The following MYRFL variants were observed in gnomAD, a reference collection of about 807,000 sequenced individuals.
MYRFL encodes myelin regulatory factor-like protein.
In MYRFL, 88 loss-of-function variants were observed where a neutral mutation model predicts 109.4. That is an observed-to-expected ratio of 0.80 (90% CI 0.68 to 0.96). The LOEUF is 0.96. Among genes scored for constraint, MYRFL ranks in the 40% least tolerant of loss-of-function variants. The probability of loss-of-function intolerance (pLI) is 0.00; values close to 1 mark genes in which losing one functional copy is unlikely to be tolerated. For missense variants in MYRFL, 957 were observed against 954.9 expected (o/e 1.00, Z -0.03); for synonymous variants, 324 against 320.9 (o/e 1.01, Z -0.10).
chr12:69,870,115 T>A (rs1053002490), intron 2 of MYRFL, among the ~76,000 whole-genome samples: 2 of 142,544 alleles, frequency 1.4e-5, no homozygotes, highest in African/African-American at 5.2e-5. Context: ...TTTTTTTTTT[T>A]TTTTTTTTTT....
intron 15 of MYRFL, among the ~76,000 whole-genome samples, chr12:69,929,896 G>A (rs550180399): frequency 1.3e-5 from 2 of 152,210 alleles, no homozygotes; most frequent in Non-Finnish European, 2.9e-5. Context: ...TAAATTGATA[G>A]ATGTAAAGCA....
intron 13 of MYRFL, among the ~76,000 whole-genome samples, chr12:69,912,300 T>C (rs1266351363): frequency 6.6e-6 from 1 of 152,256 alleles, no homozygotes; most frequent in African/African-American, 2.4e-5. Context: ...TTTTTTATTG[T>C]GGTAAAATAC....
chr12:69,911,735 T>C (rs777624312), intron 13 of MYRFL, among the ~76,000 whole-genome samples: 8 of 152,218 alleles, frequency 5.3e-5, no homozygotes, highest in Non-Finnish European at 2.9e-5. Flanking sequence ...CTGATTTGTT[T>C]TATACTGCAT....
chr12:69,901,894 T>TTTTTA (rs1954201854), intron 10 of MYRFL, among the ~76,000 whole-genome samples: 1 of 148,860 alleles, frequency 6.7e-6, no homozygotes, highest in African/African-American at 2.5e-5. Context: ...TTTTTTTTTG[T>TTTTTA]TTTTTTTAAA....
At chr12:69,868,913 C>T (rs923434240) in intron 2 of MYRFL, among the ~76,000 whole-genome samples, 2 of 152,022 alleles carry the variant, frequency 1.3e-5, no homozygotes, top group African/African-American at 4.8e-5. Context: ...CACGCGCACA[C>T]ACACATGTAC....
At chr12:69,898,778 T>A (rs1009040775) in intron 10 of MYRFL, among the ~76,000 whole-genome samples, 1 of 152,204 alleles carries the variant, frequency 6.6e-6, no homozygotes, top group African/African-American at 2.4e-5. Context: ...ATTTACCTAG[T>A]GACAAGGTTT....
chr12:69,915,737 A>C (rs1039467764), intron 13 of MYRFL, among the ~76,000 whole-genome samples: 2 of 152,082 alleles, frequency 1.3e-5, no homozygotes, highest in Non-Finnish European at 2.9e-5. Context: ...ACTGAAAGCA[A>C]GGGGACCTGT....
intron 10 of MYRFL, among the ~76,000 whole-genome samples, chr12:69,903,273 T>C (rs1773467616): frequency 6.6e-6 from 1 of 152,248 alleles, no homozygotes; most frequent in Non-Finnish European, 1.5e-5. Flanking sequence ...TTTTCTGATA[T>C]AATGTTCTGA....
At chr12:69,932,883 T>TGTG (rs1555257501) in intron 16 of MYRFL, among the ~76,000 whole-genome samples, 3 of 52,698 alleles carry the variant, frequency 5.7e-5, no homozygotes, top group African/African-American at 1.5e-4. Context: ...GTGTGTGTGT[T>TGTG]TGTGTGTGTG....
chr12:69,940,210 A>T (rs1424032198), intron 19 of MYRFL, among the ~76,000 whole-genome samples: 1 of 152,020 alleles, frequency 6.6e-6, no homozygotes, highest in Non-Finnish European at 1.5e-5. Flanking sequence ...AACACCACAA[A>T]GATACTCCTC....
At chr12:69,874,068 T>C (rs11831141) in intron 2 of MYRFL, among the ~76,000 whole-genome samples, 9,280 of 152,304 alleles carry the variant, frequency 0.061, 711 homozygotes, top group African/African-American at 0.18. Context: ...GATCTCCAAC[T>C]CCCATCCCCT....
At position 69,927,677 on chromosome 12, in the gene MYRFL, T is replaced by G. The variant is rs1407138785; in HGVS notation, c.1767-8T>G. The G allele has an allele frequency of 3.3e-6, 5 of 1,531,444 alleles. No homozygotes were observed. The highest frequency in any genetic ancestry group is 4.4e-6 in the Non-Finnish European group (5 of 1,145,908). 94.9% of individuals were successfully genotyped at this position (1,531,444 alleles called of 1,614,324 possible). A position where few individuals can be genotyped will look rare whatever the true frequency, so the allele number is the denominator to read the frequency against. On this transcript the variant is annotated splice_region_variant and splice_polypyrimidine_tract_variant and intron_variant, in intron 14 of 24. Transcript: ENST00000552032. ...TGAATAGTAACCAATTTTCTCTCTC[T>G]TTTAAAGCAAATCTAGCAGAGCCGT...
intron 1 of MYRFL, among the ~76,000 whole-genome samples, chr12:69,826,332 G>A (rs529647065): frequency 1.5e-4 from 23 of 152,010 alleles, no homozygotes; most frequent in Non-Finnish European, 2.4e-4. Context: ...GGCCAAGTTG[G>A]TATTGTCTAC....
At position 69,957,895 on chromosome 12, in the gene MYRFL, AC is replaced by A. The variant is rs1956130027; in HGVS notation, c.2526del (p.Leu845TrpfsTer11). 3 of 1,535,268 alleles carry A rather than the reference AC, an allele frequency of 2.0e-6. No individual in the cohort carries two copies. In the African/African-American group the frequency reaches 4.1e-5, roughly 21 times the overall value. ...TATATGTTTCCATAGTAAAAGGGGAACCAAAGGGCTGGAAAGCCACAGAGAA... is the reference window on the plus strand; with the variant it reads ...TATATGTTTCCATAGTAAAAGGGGAACAAAGGGCTGGAAAGCCACAGAGAA... The part of the protein sequence containing the change: ...GNICFHSKRG[T>X]KGLESHREIS... On this transcript the variant is annotated frameshift_variant, in exon 23 of 25. Transcript: ENST00000552032. LOFTEE classifies it high-confidence loss of function.
intron 1 of MYRFL, among the ~76,000 whole-genome samples, chr12:69,840,760 G>A (rs1172024109): frequency 6.6e-6 from 1 of 152,154 alleles, no homozygotes. Context: ...GACACATGCA[G>A]GTTTCTGGAT....
intron 6 of MYRFL, among the ~76,000 whole-genome samples, chr12:69,887,719 A>G (rs556848371): frequency 7.9e-5 from 12 of 152,340 alleles, no homozygotes; most frequent in Non-Finnish European, 1.6e-4. Flanking sequence ...GCTTATCACT[A>G]GGACTTTCAT....
chr12:69,902,867 A>C (rs1421031873), intron 10 of MYRFL, among the ~76,000 whole-genome samples: 1 of 152,238 alleles, frequency 6.6e-6, no homozygotes, highest in Non-Finnish European at 1.5e-5. Flanking sequence ...TTTTCTTTGA[A>C]GATTGCCAGG....
chr12:69,903,664 T>G lies in MYRFL; in HGVS notation c.1203T>G (p.Phe401Leu). 1 of 1,535,876 alleles carries G rather than the reference T, an allele frequency of 6.5e-7. No individual in the cohort carries two copies. Among genetic ancestry groups the G allele is most frequent in the South Asian group, 1.2e-5 (1 of 84,048 alleles). Residue 401 changes from phenylalanine (F) to leucine (L), a missense_variant, in exon 11 of 25, where the codon TTT becomes TTG. Coordinates refer to ENST00000552032, the MANE Select transcript of MYRFL (RefSeq NM_182530.3). ...TCCAGGCCTCTAACCCTGGGCAGTTTGAAAATGACAGTGATGCATTGTGGC... is the reference window on the plus strand; with the variant it reads ...TCCAGGCCTCTAACCCTGGGCAGTTGGAAAATGACAGTGATGCATTGTGGC... ...IIVRASNPGQ[F>L]ENDSDALWQR... is the part of the protein sequence containing the mutation.
chr12:69,905,854 T>C (rs910797306), intron 11 of MYRFL, among the ~76,000 whole-genome samples: 1 of 152,192 alleles, frequency 6.6e-6, no homozygotes, highest in Non-Finnish European at 1.5e-5. Context: ...ATGAGGGAGA[T>C]GATGGTAATG....
Sources: gnomAD v4.1 joint callset for allele counts (sites outside exome capture counted in the v4.1 genomes callset) on GRCh38, gnomAD v4.1.1 for gene constraint, MANE v1.5 for transcripts, NCBI Gene and HGNC (gene_info 2026-07-23, HGNC 2026-07-21) for gene names.